STIM1: variants seen among roughly 807,000 people sequenced by gnomAD.
The protein encoded by STIM1 is stromal interaction molecule 1.
In STIM1, 25 loss-of-function variants were observed where a neutral mutation model predicts 74.7. The ratio of observed to expected loss-of-function variants is 0.33; its 90% confidence interval spans 0.24 to 0.47. The LOEUF (loss-of-function observed/expected upper bound fraction) is 0.47. STIM1 is among the 20% of genes least tolerant of loss of function. The pLI is 1.00. For missense variants in STIM1, 728 were observed against 920.8 expected, an observed-to-expected ratio of 0.79 and a Z score of 2.71; for synonymous variants, 328 against 348.8, an observed-to-expected ratio of 0.94 and a Z score of 0.66.
intron 2 of STIM1, among the ~76,000 whole-genome samples, chr11:3,984,132 C>T (rs557890610): frequency 6.6e-6 from 1 of 152,302 alleles, no homozygotes; most frequent in East Asian, 1.9e-4. Flanking sequence ...TCCTAAAGTA[C>T]TGGGACTACA....
chr11:3,896,675 G>A (rs2092187957), intron 1 of STIM1, among the ~76,000 whole-genome samples: 1 of 152,168 alleles, frequency 6.6e-6, no homozygotes, highest in Non-Finnish European at 1.5e-5. Flanking sequence ...AGTTTAGGGA[G>A]CCCCCCAAAT....
intron 1 of STIM1, among the ~76,000 whole-genome samples, chr11:3,890,493 GACTGAA>G (rs2091861289): frequency 6.6e-6 from 1 of 152,124 alleles, no homozygotes; most frequent in Non-Finnish European, 1.5e-5. Flanking sequence ...CAGTCCCTTG[GACTGAA>G]CCAGTTTTCT....
chr11:4,020,569 T>C (rs1396388215), intron 2 of STIM1, among the ~76,000 whole-genome samples: 1 of 152,076 alleles, frequency 6.6e-6, no homozygotes, highest in Non-Finnish European at 1.5e-5. Flanking sequence ...AGCATATTTT[T>C]CACATATCTT....
At chr11:3,892,170 T>C (rs1020286049) in intron 1 of STIM1, among the ~76,000 whole-genome samples, 1 of 152,252 alleles carries the variant, frequency 6.6e-6, no homozygotes, top group African/African-American at 2.4e-5. Context: ...TTTTATGTTT[T>C]ATTTATTTAT....
intron 3 of STIM1, among the ~76,000 whole-genome samples, chr11:4,025,890 G>T (rs955116430): frequency 2.9e-4 from 44 of 152,286 alleles, no homozygotes; most frequent in African/African-American, 1.1e-3. Context: ...GTGGAGAAAA[G>T]CATTTCAATG....
chr11:4,014,681 G>A (rs934536022), intron 2 of STIM1, among the ~76,000 whole-genome samples: 23 of 152,176 alleles, frequency 1.5e-4, no homozygotes, highest in Non-Finnish European at 1.9e-4. Context: ...TTGTGTGGGA[G>A]TCTAAGTCTC....
chr11:4,032,997 C>A (rs1035026044), intron 3 of STIM1, among the ~76,000 whole-genome samples: 1 of 152,036 alleles, frequency 6.6e-6, no homozygotes, highest in Non-Finnish European at 1.5e-5. Context: ...TTAGGTCTAA[C>A]GTTTAAGTCT....
At chr11:4,045,762 C>CTTTTTTTTTTTTTTT (rs35939527) in intron 3 of STIM1, among the ~76,000 whole-genome samples, 1 of 104,488 alleles carries the variant, frequency 9.6e-6, no homozygotes, top group African/African-American at 3.4e-5. Flanking sequence ...CTCAACACTT[C>CTTTTTTTTTTTTTTT]TTTTTTTTTT....
At chr11:4,032,133 C>G (rs936928203) in intron 3 of STIM1, among the ~76,000 whole-genome samples, 1 of 152,142 alleles carries the variant, frequency 6.6e-6, no homozygotes, top group African/African-American at 2.4e-5. Context: ...AAATGCTGTT[C>G]TTTTCTTCAT....
rs537793288 is a variant in STIM1 at position 4,006,779 on chromosome 11, T to G, written c.271-17094T>G. Among the ~76,000 whole-genome samples the G allele has an allele frequency of 1.9e-4, 29 of 152,120 alleles. No individual in the cohort carries two copies. In the South Asian group the frequency reaches 6.0e-3, roughly 32 times the overall value. On this transcript the variant is annotated intron_variant, in intron 2 of 12. Transcript: ENST00000526596. ...AGGGTTCTAAATATTGTGGGCTGGATGGGGGTTGGAGAGCAGCAGAGAAAG... is the reference window on the plus strand; with the variant it reads ...AGGGTTCTAAATATTGTGGGCTGGAGGGGGGTTGGAGAGCAGCAGAGAAAG...
At position 3,981,660 on chromosome 11, in the gene STIM1, T is replaced by C. The variant is rs889796059; in HGVS notation, c.270+13978T>C. 3.9e-5 allele frequency among the ~76,000 whole-genome samples: 6 copies of C among 152,088 alleles called. No homozygotes were observed. In the East Asian group the frequency reaches 9.6e-4, roughly 24 times the overall value. On this transcript the variant is annotated intron_variant, in intron 2 of 12. Transcript: ENST00000526596. ...TCAGTGTTGGGTTGTTTTTCTGGAG[T>C]TGCTATAGTCTGGGCTCTAGATATG...
intron 1 of STIM1, among the ~76,000 whole-genome samples, chr11:3,868,600 G>A (rs2135253001): frequency 6.6e-6 from 1 of 152,352 alleles, no homozygotes; most frequent in East Asian, 1.9e-4. Flanking sequence ...GTTAAGTGGT[G>A]TTAGTTTATT....
At position 3,863,264 on chromosome 11, in the gene STIM1, G is replaced by A. The variant is rs868675165; in HGVS notation, c.139+6855G>A. ...TGTGTGTGTGTGTGTGTGTGTGTGT[G>A]TGTATGTATTTGAGACAGGGTCTCT... On this transcript the variant is annotated intron_variant, in intron 1 of 12. Transcript: ENST00000526596. Among the ~76,000 whole-genome samples the A allele has an allele frequency of 4.7e-3, 249 of 53,418 alleles. 1 individual carries two copies. The highest frequency in any genetic ancestry group is 6.2e-3 in the Non-Finnish European group (184 of 29,764). 35.0% of individuals were successfully genotyped at this position (53,418 alleles called of 152,430 possible).
intron 2 of STIM1, among the ~76,000 whole-genome samples, chr11:4,015,072 G>T (rs1044490102): frequency 5.9e-5 from 9 of 152,210 alleles, no homozygotes; most frequent in Non-Finnish European, 2.9e-5. Context: ...ATTGTTAGGT[G>T]TGAATTTGAT....
intron 2 of STIM1, among the ~76,000 whole-genome samples, chr11:3,987,552 C>T (rs1486926898): frequency 6.6e-6 from 1 of 152,172 alleles, no homozygotes; most frequent in Non-Finnish European, 1.5e-5. Flanking sequence ...AACAGTGGTT[C>T]TTTCCTTCGA....
intron 2 of STIM1, among the ~76,000 whole-genome samples, chr11:4,013,214 G>T (rs2093857064): frequency 6.6e-6 from 1 of 152,188 alleles, no homozygotes; most frequent in Non-Finnish European, 1.5e-5. Flanking sequence ...CCAGGCTTTG[G>T]TATCAGGATG....
chr11:4,038,152 A>C (rs1378733893), intron 3 of STIM1, among the ~76,000 whole-genome samples: 15 of 151,308 alleles, frequency 9.9e-5, no homozygotes, highest in Admixed American at 9.9e-4. Flanking sequence ...CTCGTGCCCC[A>C]GCCTCCTGAG....
intron 3 of STIM1, among the ~76,000 whole-genome samples, chr11:4,037,105 G>C (rs2094110201): frequency 6.6e-6 from 1 of 151,158 alleles, no homozygotes; most frequent in Non-Finnish European, 1.5e-5. Flanking sequence ...GCCCAGGCTA[G>C]AGTGCAGTAG....
intron 1 of STIM1, among the ~76,000 whole-genome samples, chr11:3,965,324 C>T (rs796360271): frequency 6.6e-6 from 1 of 152,344 alleles, no homozygotes; most frequent in South Asian, 2.1e-4. Context: ...ATGATCCTTT[C>T]TATCATGGCA....
Sources: gnomAD v4.1 joint callset for allele counts (sites outside exome capture counted in the v4.1 genomes callset) on GRCh38, gnomAD v4.1.1 for gene constraint, MANE v1.5 for transcripts, NCBI Gene and HGNC (gene_info 2026-07-23, HGNC 2026-07-21) for gene names.